The following NTRK2 variants were observed in gnomAD, a reference collection of about 807,000 sequenced individuals.
The protein encoded by NTRK2 is neurotrophic receptor tyrosine kinase 2, also known as BDNF/NT-3 growth factors receptor.
NTRK2 carries 13 observed loss-of-function variants against 94.5 expected under a neutral mutation model. The observed-to-expected ratio is 0.14, with a 90% CI of 0.09 to 0.22. NTRK2 has a LOEUF of 0.22. NTRK2 is among the 10% of genes least tolerant of loss of function. The pLI is 1.00. For synonymous variants in NTRK2, 372 were observed against 407.4 expected (o/e 0.91, Z 1.05); for missense variants, 639 against 1,071.2 (o/e 0.60, Z 5.63).
chr9:84,772,015 T>C (rs1317354204), intron 12 of NTRK2, among the ~76,000 whole-genome samples: 2 of 152,168 alleles, frequency 1.3e-5, no homozygotes, highest in African/African-American at 4.8e-5. Context: ...ACTCCAAGCT[T>C]TCCTATGTTC....
intron 11 of NTRK2, among the ~76,000 whole-genome samples, chr9:84,747,404 C>T (rs80338372): frequency 4.0e-5 from 6 of 149,138 alleles, no homozygotes; most frequent in Admixed American, 6.7e-5. Flanking sequence ...TGTTTGTGTA[C>T]GTAAGAAATC....
At chr9:84,958,557 T>TC (rs780599293) in intron 17 of NTRK2, among the ~76,000 whole-genome samples, 11 of 152,196 alleles carry the variant, frequency 7.2e-5, no homozygotes, top group Non-Finnish European at 1.6e-4. Context: ...CATGTTAATT[T>TC]CACCCCCGTG....
intron 14 of NTRK2, among the ~76,000 whole-genome samples, chr9:84,922,447 C>T (rs1422002448): frequency 6.6e-6 from 1 of 152,188 alleles, no homozygotes; most frequent in Non-Finnish European, 1.5e-5. Context: ...CCTTTTACAA[C>T]TTTATTTGTA....
At chr9:84,688,958 G>A (rs1212754494) in intron 2 of NTRK2, among the ~76,000 whole-genome samples, 1 of 152,200 alleles carries the variant, frequency 6.6e-6, no homozygotes, top group Non-Finnish European at 1.5e-5. Flanking sequence ...CTTTGGACTA[G>A]TAACTAAAGC....
intron 2 of NTRK2, among the ~76,000 whole-genome samples, chr9:84,694,218 C>T (rs574332346): frequency 1.1e-4 from 17 of 152,184 alleles, no homozygotes; most frequent in African/African-American, 2.2e-4. Flanking sequence ...TCTGGCATGG[C>T]GAGGCCCCAG....
rs775271867 is a variant in NTRK2, at chr9:85,021,299, G to T, written c.2379G>T (p.Thr793=). Residue 793 remains threonine, a synonymous_variant, in exon 19 of 19, where the codon ACG becomes ACT. Coordinates refer to ENST00000277120, the MANE Select transcript of NTRK2 (RefSeq NM_006180.6). Reference sequence around the variant, plus strand: ...GCCGAGTCCTGCAGCGACCCCGCACGTGCCCCCAGGAGGTGTATGAGCTGA... The same window carrying T: ...GCCGAGTCCTGCAGCGACCCCGCACTTGCCCCCAGGAGGTGTATGAGCTGA... ...TQGRVLQRPR[T]CPQEVYELML... The T allele has an allele frequency of 6.2e-7, 1 of 1,614,080 alleles. No homozygotes were observed. Among genetic ancestry groups the T allele is most frequent in the Non-Finnish European group, 8.5e-7 (1 of 1,180,018 alleles).
intron 15 of NTRK2, among the ~76,000 whole-genome samples, chr9:84,945,819 T>C (rs2078580466): frequency 6.6e-6 from 1 of 152,174 alleles, no homozygotes; most frequent in African/African-American, 2.4e-5. Flanking sequence ...CCAAATTCAC[T>C]CACTTTTCCA....
chr9:84,849,888 C>T (rs1469618238), intron 12 of NTRK2, among the ~76,000 whole-genome samples: 1 of 152,138 alleles, frequency 6.6e-6, no homozygotes, highest in Non-Finnish European at 1.5e-5. Flanking sequence ...TGAGTACCTA[C>T]CATGTGGGAA....
At chr9:84,944,478 G>T (rs1335068728) in intron 15 of NTRK2, among the ~76,000 whole-genome samples, 1 of 152,166 alleles carries the variant, frequency 6.6e-6, no homozygotes, top group Admixed American at 6.5e-5. Context: ...TGAGCAGAAA[G>T]ATTATACACA....
chr9:85,012,409 C>T (rs561190434), intron 17 of NTRK2, among the ~76,000 whole-genome samples: 74 of 152,206 alleles, frequency 4.9e-4, no homozygotes, highest in Non-Finnish European at 8.7e-4. Flanking sequence ...ACCACAACCA[C>T]GACATAGAAC....
At chr9:84,874,975 T>C in intron 14 of NTRK2, 4 of 1,055,248 alleles carry the variant, frequency 3.8e-6, no homozygotes, top group Non-Finnish European at 4.6e-6. Context: ...AAATGGGTAT[T>C]TTAAAATAAG....
intron 12 of NTRK2, among the ~76,000 whole-genome samples, chr9:84,784,269 C>T (rs993878361): frequency 2.6e-5 from 4 of 152,134 alleles, no homozygotes; most frequent in Admixed American, 6.5e-5. Context: ...ATGCGTGATA[C>T]AAATAATGCA....
At chr9:84,767,311 A>G (rs888786886) in intron 12 of NTRK2, among the ~76,000 whole-genome samples, 1 of 152,220 alleles carries the variant, frequency 6.6e-6, no homozygotes. Context: ...CCTCCTCACA[A>G]TGGTTAAACA....
In NTRK2 at chr9:84,744,956, C is replaced by T. The variant is rs1564174753; in HGVS notation, c.1196-17C>T. ...ACAACTTCATGTTCTTCCTCATTCC[C>T]CCTTTGCCCACTTAAGATTATGGAA... is the stretch of plus-strand genomic sequence containing the variant. On this transcript the variant is annotated splice_polypyrimidine_tract_variant and intron_variant, in intron 10 of 18. Transcript: ENST00000277120. The T allele has an allele frequency of 6.3e-7, 1 of 1,576,836 alleles. No individual in the cohort carries two copies. Among genetic ancestry groups the T allele is most frequent in the Admixed American group, 1.7e-5 (1 of 59,976 alleles).
intron 14 of NTRK2, among the ~76,000 whole-genome samples, chr9:84,893,407 C>A (rs796772034): frequency 2.0e-5 from 3 of 152,202 alleles, no homozygotes; most frequent in Non-Finnish European, 4.4e-5. Flanking sequence ...CTCTCCTTGC[C>A]TCGCAGGAGC....
intron 6 of NTRK2, among the ~76,000 whole-genome samples, chr9:84,714,056 A>G (rs1488265766): frequency 6.6e-6 from 1 of 152,128 alleles, no homozygotes; most frequent in Non-Finnish European, 1.5e-5. Context: ...GGCTCCACCC[A>G]TGCTGGCCAC....
At chr9:84,995,376 G>GT (rs1829625342) in intron 17 of NTRK2, among the ~76,000 whole-genome samples, 4 of 152,012 alleles carry the variant, frequency 2.6e-5, no homozygotes, top group African/African-American at 9.7e-5. Context: ...TTTTTGGTTT[G>GT]TTTTTTGTTT....
chr9:84,670,609 A>C lies in NTRK2; in HGVS notation c.-140A>C. 1 of 835,068 alleles carries C rather than the reference A, an allele frequency of 1.2e-6. No individual in the cohort carries two copies. The highest frequency in any genetic ancestry group is 2.0e-6 in the Non-Finnish European group (1 of 501,298). 51.7% of individuals were successfully genotyped at this position (835,068 alleles called of 1,614,324 possible). On this transcript the variant is annotated 5_prime_UTR_variant, in exon 2 of 19. Coordinates refer to ENST00000277120, the MANE Select transcript of NTRK2 (RefSeq NM_006180.6). ...GCTCCGGACCAGCTCAGCCTCTGATAAGCTGGACTCGGCACGCCCGCAACA... is the reference window on the plus strand; with the variant it reads ...GCTCCGGACCAGCTCAGCCTCTGATCAGCTGGACTCGGCACGCCCGCAACA...
rs528295107 is a variant in NTRK2 at position 84,712,500 on chromosome 9, T to C, written c.583+1709T>C. 1.4e-4 allele frequency among the ~76,000 whole-genome samples: 22 copies of C among 152,326 alleles called. 1 individual carries two copies. The highest frequency in any genetic ancestry group is 2.5e-4 in the Non-Finnish European group (17 of 68,024). On this transcript the variant is annotated intron_variant, in intron 6 of 18. Transcript: ENST00000277120. ...CAATTGATCGATTAGGACTGAATGG[T>C]TACATTCACGGTAACATTCACAATT...
Sources: gnomAD v4.1 joint callset for allele counts (sites outside exome capture counted in the v4.1 genomes callset) on GRCh38, gnomAD v4.1.1 for gene constraint, MANE v1.5 for transcripts, NCBI Gene and HGNC (gene_info 2026-07-23, HGNC 2026-07-21) for gene names.